The following PTCHD4 variants were observed in gnomAD, a reference collection of about 807,000 sequenced individuals.
PTCHD4 encodes patched domain-containing protein 4.
In PTCHD4, 33 loss-of-function variants were observed where a neutral mutation model predicts 58.1. The ratio of observed to expected loss-of-function variants is 0.57; its 90% CI spans 0.43 to 0.76. The LOEUF (loss-of-function observed/expected upper bound fraction) is 0.76, where lower values mean the gene tolerates loss of function less well. PTCHD4 is among the 30% of genes least tolerant of loss of function. The pLI is 0.00. For missense variants in PTCHD4, 1,058 were observed against 1,027.1 expected (o/e 1.03, Z -0.41); for synonymous variants, 478 against 409.6 (o/e 1.17, Z -2.02).
chr6:47,903,079 T>G (rs1199350318), intron 4 of PTCHD4, among the ~76,000 whole-genome samples: 5 of 152,292 alleles, frequency 3.3e-5, no homozygotes, highest in African/African-American at 9.6e-5. Context: ...ATCCTGTCAA[T>G]GGAGAGAGAT....
Position 48,069,275 on chromosome 6 carries a change from C to A in PTCHD4, c.-318G>T, listed in dbSNP as rs1764925862. ...AGTTTTGTGTTCCCTCTTCCCTCCCCGCTGGAGTGAATTGAAGAGGAAATA... is the reference window on the plus strand; with the variant it reads ...AGTTTTGTGTTCCCTCTTCCCTCCCAGCTGGAGTGAATTGAAGAGGAAATA... On this transcript the variant is annotated 5_prime_UTR_variant, in exon 2 of 5. Transcript: ENST00000339488. Among the ~76,000 whole-genome samples, 1 of 151,942 alleles carries A rather than the reference C, an allele frequency of 6.6e-6. No homozygotes were observed. Among genetic ancestry groups the A allele is most frequent in the South Asian group, 2.1e-4 (1 of 4,824 alleles).
chr6:47,903,261 G>T (rs1764770178), intron 4 of PTCHD4, among the ~76,000 whole-genome samples: 1 of 152,120 alleles, frequency 6.6e-6, no homozygotes, highest in Admixed American at 6.5e-5. Flanking sequence ...AGGTACAGAG[G>T]TGTCTATAGG....
In PTCHD4 at chr6:48,086,573, A is replaced by C. The variant is rs181085187; in HGVS notation, c.-969-16647T>G. 2.9e-3 allele frequency among the ~76,000 whole-genome samples: 437 copies of C among 152,332 alleles called. 3 individuals carry two copies. The highest frequency in any genetic ancestry group is 1.0e-2 in the African/African-American group (415 of 41,574). On this transcript the variant is annotated intron_variant, in intron 1 of 4. Coordinates refer to ENST00000339488, the MANE Select transcript of PTCHD4 (RefSeq NM_001384253.1). ...GGCAGAACAGGGATTGTGGAGGCAA[A>C]AAGGAGAAGATATACTCACTTATTT...
intron 4 of PTCHD4, among the ~76,000 whole-genome samples, chr6:47,992,403 A>G (rs1768316081): frequency 6.6e-6 from 1 of 152,196 alleles, no homozygotes; most frequent in Admixed American, 6.5e-5. Context: ...TCCAATTTAC[A>G]TGTTATCACA....
At position 48,008,531 on chromosome 6, in the gene PTCHD4, C is replaced by A. The variant is rs543313590; in HGVS notation, c.898+103G>T. On this transcript the variant is annotated intron_variant, in intron 4 of 4. Coordinates refer to ENST00000339488, the MANE Select transcript of PTCHD4 (RefSeq NM_001384253.1). Reference sequence around the variant, plus strand: ...AAAATTTTATGTAATGACATAGACACCCCAATGCAAAATTAAAACAGATTT... The same window carrying A: ...AAAATTTTATGTAATGACATAGACAACCCAATGCAAAATTAAAACAGATTT... The A allele has an allele frequency of 5.3e-6, 7 of 1,315,398 alleles. No individual in the cohort carries two copies. The East Asian group carries it at 7.5e-5, about 14-fold the overall frequency. 81.5% of individuals were successfully genotyped at this position (1,315,398 alleles called of 1,614,324 possible). A position where few individuals can be genotyped will look rare whatever the true frequency, so the allele number is the denominator to read the frequency against.
intron 4 of PTCHD4, among the ~76,000 whole-genome samples, chr6:47,914,664 T>G (rs1765174709): frequency 6.7e-6 from 1 of 149,708 alleles, no homozygotes; most frequent in African/African-American, 2.4e-5. Flanking sequence ...AAAAAGATTT[T>G]TATATAATAG....
In PTCHD4 at chr6:47,875,269, T is replaced by G. The variant is rs1763817677; in HGVS notation, c.*3034A>C. ...CTTCATAAATGAACAAAACAATGAG[T>G]GCAAACTGGAAAAACTAGGGAGAGG... On this transcript the variant is annotated 3_prime_UTR_variant, in exon 5 of 5. Coordinates refer to ENST00000339488, the MANE Select transcript of PTCHD4 (RefSeq NM_001384253.1). Among the ~76,000 whole-genome samples the G allele has an allele frequency of 6.6e-6, 1 of 151,662 alleles. No homozygotes were observed. Among genetic ancestry groups the G allele is most frequent in the Non-Finnish European group, 1.5e-5 (1 of 67,806 alleles).
At chr6:48,088,462 C>T (rs774023655) in intron 1 of PTCHD4, among the ~76,000 whole-genome samples, 5 of 151,944 alleles carry the variant, frequency 3.3e-5, no homozygotes, top group Non-Finnish European at 5.9e-5. Flanking sequence ...GTGTTAAAGA[C>T]GACTATGGAA....
At chr6:48,071,925 G>A (rs1377772683) in intron 1 of PTCHD4, among the ~76,000 whole-genome samples, 1 of 152,084 alleles carries the variant, frequency 6.6e-6, no homozygotes, top group Non-Finnish European at 1.5e-5. Flanking sequence ...ATTAGTCTGG[G>A]GCTAGGAGAT....
At chr6:47,915,631 C>A (rs1765220229) in intron 4 of PTCHD4, among the ~76,000 whole-genome samples, 1 of 148,346 alleles carries the variant, frequency 6.7e-6, no homozygotes, top group South Asian at 2.1e-4. Context: ...AACTAAAAGG[C>A]ACACCTGGAA....
In PTCHD4 at chr6:48,004,032, T is replaced by C. The variant is rs995553030; in HGVS notation, c.898+4602A>G. On this transcript the variant is annotated intron_variant, in intron 4 of 4. Coordinates refer to ENST00000339488, the MANE Select transcript of PTCHD4 (RefSeq NM_001384253.1). ...TATATCACCTAGAAATCATATAACA[T>C]AGTTTATATTTCTCTATTTAGTTGT... is the stretch of plus-strand genomic sequence containing the variant. Among the ~76,000 whole-genome samples, 5 of 152,212 alleles carry C rather than the reference T, an allele frequency of 3.3e-5. No homozygotes were observed. In the East Asian group the frequency reaches 7.7e-4, roughly 23 times the overall value.
intron 1 of PTCHD4, among the ~76,000 whole-genome samples, chr6:48,084,719 C>CT (rs1053330639): frequency 5.4e-5 from 8 of 149,110 alleles, no homozygotes; most frequent in Non-Finnish European, 1.0e-4. Flanking sequence ...GAGTACTTTT[C>CT]TTTTTTTCTT....
At chr6:47,940,853 G>A (rs780831770) in intron 4 of PTCHD4, among the ~76,000 whole-genome samples, 10 of 152,132 alleles carry the variant, frequency 6.6e-5, no homozygotes, top group African/African-American at 2.4e-4. Context: ...GCCATCTCGA[G>A]CTAACAGTCA....
At chr6:48,023,959 G>A (rs1356174538) in intron 3 of PTCHD4, among the ~76,000 whole-genome samples, 4 of 152,100 alleles carry the variant, frequency 2.6e-5, no homozygotes, top group African/African-American at 4.8e-5. Context: ...TAGTGGTTTG[G>A]CTTTAACATT....
chr6:48,098,398 G>C (rs1374414940), intron 1 of PTCHD4, among the ~76,000 whole-genome samples: 3 of 145,876 alleles, frequency 2.1e-5, no homozygotes, highest in Admixed American at 7.1e-5. Flanking sequence ...GAGTGCAGTG[G>C]CAGGATCTCC....
chr6:47,899,858 A>G (rs1400863061), intron 4 of PTCHD4: 2 of 152,216 alleles, frequency 1.3e-5, no homozygotes, highest in African/African-American at 4.8e-5. Context: ...GCCTACTCTG[A>G]ACATTTCATA....
At chr6:47,904,535 C>A (rs1764815517) in intron 4 of PTCHD4, among the ~76,000 whole-genome samples, 1 of 152,198 alleles carries the variant, frequency 6.6e-6, no homozygotes, top group Non-Finnish European at 1.5e-5. Flanking sequence ...GTTTGCCCAC[C>A]TCTGACTTAG....
At chr6:48,086,876 C>G (rs1400275626) in intron 1 of PTCHD4, among the ~76,000 whole-genome samples, 1 of 152,162 alleles carries the variant, frequency 6.6e-6, no homozygotes, top group Non-Finnish European at 1.5e-5. Flanking sequence ...TGTCCTACCA[C>G]TTTTGTTATT....
intron 3 of PTCHD4, among the ~76,000 whole-genome samples, chr6:48,040,219 G>A (rs543031716): frequency 6.6e-6 from 1 of 152,084 alleles, no homozygotes; most frequent in South Asian, 2.1e-4. Context: ...AATCCAAGGA[G>A]GCTGATTTCC....
Sources: gnomAD v4.1 joint callset for allele counts (sites outside exome capture counted in the v4.1 genomes callset) on GRCh38, gnomAD v4.1.1 for gene constraint, MANE v1.5 for transcripts, NCBI Gene and HGNC (gene_info 2026-07-23, HGNC 2026-07-21) for gene names.